GAS7: variants seen among roughly 807,000 people sequenced by gnomAD.
GAS7 encodes the protein growth arrest-specific protein 7.
GAS7 carries 28 observed loss-of-function variants against 71.1 expected under a neutral mutation model. The observed-to-expected ratio is 0.39, with a 90% CI of 0.29 to 0.54. The LOEUF is 0.54. Among genes scored for constraint, GAS7 ranks in the 20% least tolerant of loss-of-function variants. The probability of loss-of-function intolerance (pLI) is 0.62; values close to 1 mark genes in which losing one functional copy is unlikely to be tolerated. For synonymous variants in GAS7, 258 were observed against 245.8 expected (o/e 1.05, Z -0.46); for missense variants, 436 against 627.8 (o/e 0.69, Z 3.27).
rs145334703 is a variant in GAS7 at position 10,002,153 on chromosome 17, G to A, written c.304+17624C>T. On this transcript the variant is annotated intron_variant, in intron 2 of 13. Coordinates refer to ENST00000432992, the MANE Select transcript of GAS7 (RefSeq NM_201433.2). ...ACTGGGTGGCTTAAAGAACAGAAAC[G>A]TATTGTTACAGTTCTGGAAGCCAGA... 9.9e-5 allele frequency among the ~76,000 whole-genome samples: 15 copies of A among 152,276 alleles called. No homozygotes were observed. In the East Asian group the frequency reaches 2.9e-3, roughly 29 times the overall value.
chr17:9,965,984 A>AC (rs2069693161), intron 4 of GAS7, among the ~76,000 whole-genome samples: 1 of 99,312 alleles, frequency 1.0e-5, no homozygotes, highest in African/African-American at 3.8e-5. Context: ...CCCGACACCC[A>AC]CCCCCCAAAA....
chr17:9,958,739 A>T (rs1286103083), intron 5 of GAS7, among the ~76,000 whole-genome samples: 1 of 152,184 alleles, frequency 6.6e-6, no homozygotes, highest in Non-Finnish European at 1.5e-5. Flanking sequence ...CTCTAGGCAG[A>T]AGCTGCCTGC....
chr17:10,025,631 A>T (rs780421643), intron 1 of GAS7, among the ~76,000 whole-genome samples: 7 of 151,244 alleles, frequency 4.6e-5, no homozygotes, highest in Non-Finnish European at 1.0e-4. Context: ...GATTACAGAG[A>T]TCAAAAACAA....
chr17:10,190,391 TG>T (rs2074489099), intron 1 of GAS7, among the ~76,000 whole-genome samples: 2 of 151,914 alleles, frequency 1.3e-5, no homozygotes, highest in Admixed American at 1.3e-4. Flanking sequence ...GAGTCCAGCC[TG>T]ACCAGCGTGG....
chr17:10,002,886 T>C (rs2071323103), intron 2 of GAS7, among the ~76,000 whole-genome samples: 1 of 152,236 alleles, frequency 6.6e-6, no homozygotes, highest in Non-Finnish European at 1.5e-5. Context: ...TGCATGTGTC[T>C]TTATAGCAGC....
At chr17:10,160,892 G>A (rs1567615033) in intron 1 of GAS7, among the ~76,000 whole-genome samples, 1 of 151,356 alleles carries the variant, frequency 6.6e-6, no homozygotes, top group East Asian at 1.9e-4. Flanking sequence ...TAATATGGCT[G>A]TTTTTGACAG....
chr17:10,044,575 TATGTATTCACGGC>T (rs1414145958), intron 1 of GAS7, among the ~76,000 whole-genome samples: 29 of 152,360 alleles, frequency 1.9e-4, no homozygotes, highest in Middle Eastern at 3.4e-3. Context: ...GAATATATTT[TATGTATTCACGGC>T]ATGTCTAACA....
intron 1 of GAS7, 142 bp from the exon 2 acceptor site, chr17:10,020,039 G>A (rs1348137291): frequency 8.0e-6 from 6 of 753,112 alleles, no homozygotes; most frequent in Non-Finnish European, 8.8e-6. Flanking sequence ...GAGGTCAGAG[G>A]CAGCACACAC....
chr17:10,004,679 G>C (rs1038737367), intron 2 of GAS7, among the ~76,000 whole-genome samples: 2 of 152,100 alleles, frequency 1.3e-5, no homozygotes, highest in African/African-American at 4.8e-5. Flanking sequence ...CTCTTGCTTG[G>C]TCCCCTTCAT....
chr17:9,938,028 T>C (rs535370341), intron 8 of GAS7, among the ~76,000 whole-genome samples: 1 of 152,312 alleles, frequency 6.6e-6, no homozygotes, highest in South Asian at 2.1e-4. Context: ...ACCACCTCTA[T>C]CTAGTTCCAA....
At chr17:10,020,499 T>C (rs2072224743) in intron 1 of GAS7, among the ~76,000 whole-genome samples, 1 of 152,198 alleles carries the variant, frequency 6.6e-6, no homozygotes. Flanking sequence ...ATTGTATGCA[T>C]TTATGTGCAA....
At chr17:10,076,755 G>A (rs2073398364) in intron 1 of GAS7, among the ~76,000 whole-genome samples, 1 of 152,178 alleles carries the variant, frequency 6.6e-6, no homozygotes, top group Non-Finnish European at 1.5e-5. Flanking sequence ...CGGACGAGCT[G>A]AACTGTCTCT....
chr17:10,149,497 A>T (rs1208218366), intron 1 of GAS7, among the ~76,000 whole-genome samples: 1 of 152,220 alleles, frequency 6.6e-6, no homozygotes, highest in Non-Finnish European at 1.5e-5. Context: ...CTTTCCATCA[A>T]TTCCATTTGA....
intron 1 of GAS7, among the ~76,000 whole-genome samples, chr17:10,068,462 G>A (rs1321837696): frequency 6.6e-6 from 1 of 151,980 alleles, no homozygotes; most frequent in East Asian, 1.9e-4. Flanking sequence ...TTTACTTCTG[G>A]TAAAGACTTA....
chr17:9,923,284 TA>T (rs967956402), intron 11 of GAS7, among the ~76,000 whole-genome samples: 8 of 145,318 alleles, frequency 5.5e-5, no homozygotes, highest in East Asian at 2.0e-4. Context: ...TCTAGGTGAT[TA>T]AAAAAAAAGA....
chr17:9,988,069 T>C (rs2070708074), intron 2 of GAS7, among the ~76,000 whole-genome samples: 1 of 152,260 alleles, frequency 6.6e-6, no homozygotes, highest in Admixed American at 6.5e-5. Context: ...GTCTTGACTT[T>C]GATCTGAGAT....
chr17:10,144,295 G>A (rs10491090), intron 1 of GAS7, among the ~76,000 whole-genome samples: 17,570 of 152,200 alleles, frequency 0.12, 1,284 homozygotes, highest in South Asian at 0.19. Flanking sequence ...GCCGAAAGAC[G>A]CCCAGGAGGA....
chr17:10,188,710 C>A (rs766990256), intron 1 of GAS7, among the ~76,000 whole-genome samples: 5 of 152,182 alleles, frequency 3.3e-5, no homozygotes, highest in Non-Finnish European at 7.3e-5. Context: ...GCAGTCTTGG[C>A]TCACTGCAGC....
At chr17:10,028,368 CAAAT>C (rs1159342942) in intron 1 of GAS7, among the ~76,000 whole-genome samples, 1 of 152,092 alleles carries the variant, frequency 6.6e-6, no homozygotes, top group East Asian at 1.9e-4. Context: ...GATACTGTCT[CAAAT>C]AAATAAATAC....
Sources: gnomAD v4.1 joint callset for allele counts (sites outside exome capture counted in the v4.1 genomes callset) on GRCh38, gnomAD v4.1.1 for gene constraint, MANE v1.5 for transcripts, NCBI Gene and HGNC (gene_info 2026-07-23, HGNC 2026-07-21) for gene names.